The following PRR11 variants were observed in gnomAD, a reference collection of about 807,000 sequenced individuals.
PRR11 encodes the protein proline rich 11, also known as proline-rich protein 11.
In PRR11, 30 loss-of-function variants were observed where a neutral mutation model predicts 45.6. The observed-to-expected ratio is 0.66, with a 90% CI of 0.49 to 0.89. The LOEUF (loss-of-function observed/expected upper bound fraction) is 0.89. Among genes scored for constraint, PRR11 ranks in the 40% least tolerant of loss-of-function variants. PRR11 has a pLI of 0.00. For synonymous variants in PRR11, 128 were observed against 153.5 expected (o/e 0.83, Z 1.23); for missense variants, 373 against 424.8 (o/e 0.88, Z 1.07).
chr17:59,181,834 C>T (rs2046788580), intron 2 of PRR11: 6 of 1,479,446 alleles, frequency 4.1e-6, no homozygotes, highest in South Asian at 2.3e-5. Flanking sequence ...AAACCACTCT[C>T]CATCCTCCCC....
intron 2 of PRR11, among the ~76,000 whole-genome samples, chr17:59,172,262 C>A (rs759187835): frequency 7.4e-4 from 113 of 152,316 alleles, no homozygotes; most frequent in Non-Finnish European, 1.2e-3. Context: ...GGTTGGAATT[C>A]AGCGGTATAA....
chr17:59,180,989 GT>G (rs945488647), intron 2 of PRR11, among the ~76,000 whole-genome samples: 2 of 151,132 alleles, frequency 1.3e-5, no homozygotes, highest in African/African-American at 4.9e-5. Context: ...TTCTTTTTTT[GT>G]TGTTTTTTTG....
At chr17:59,181,838 C>A (rs2046788614) in intron 2 of PRR11, 2 of 1,456,506 alleles carry the variant, frequency 1.4e-6, no homozygotes, top group Non-Finnish European at 1.9e-6. Flanking sequence ...CACTCTCCAT[C>A]CTCCCCAGCC....
Position 59,201,812 on chromosome 17 carries a change from A to C in PRR11, c.*181A>C. On this transcript the variant is annotated 3_prime_UTR_variant, in exon 10 of 10. Transcript: ENST00000262293. ...ATGGTGAAACTCCTTCCCCACTAAAAATACAGAAATTAGCTGGGCATAGTG... is the reference window on the plus strand; with the variant it reads ...ATGGTGAAACTCCTTCCCCACTAAACATACAGAAATTAGCTGGGCATAGTG... 1.7e-6 allele frequency: 1 copy of C among 586,150 alleles called. No individual in the cohort carries two copies. Among genetic ancestry groups the C allele is most frequent in the East Asian group, 3.1e-5 (1 of 31,818 alleles). 36.3% of individuals were successfully genotyped at this position (586,150 alleles called of 1,614,324 possible).
rs749218486 is a variant in PRR11, at chr17:59,169,746, A to C, written c.-5-2A>C. On this transcript the variant is annotated splice_acceptor_variant, in intron 1 of 9. Coordinates refer to ENST00000262293, the MANE Select transcript of PRR11 (RefSeq NM_018304.4). LOFTEE classifies it low-confidence loss of function (5UTR_SPLICE). The stretch of plus-strand genomic sequence containing the variant: ...TAAAAATGTAAAAAAATTTCTCTGC[A>C]GAAATCATGCCCAAGTTCAAACAAC... 1.5e-5 allele frequency: 24 copies of C among 1,579,270 alleles called. No individual in the cohort carries two copies. The highest frequency in any genetic ancestry group is 2.0e-5 in the Non-Finnish European group (23 of 1,170,744).
intron 2 of PRR11, chr17:59,181,792 T>A: frequency 6.5e-7 from 1 of 1,547,402 alleles, no homozygotes; most frequent in Non-Finnish European, 8.8e-7. Flanking sequence ...CTGCAACTGA[T>A]CACCTTAGAC....
At chr17:59,177,221 G>C (rs981653629) in intron 2 of PRR11, 2 of 547,492 alleles carry the variant, frequency 3.7e-6, no homozygotes, top group Admixed American at 1.9e-5. Flanking sequence ...AGGCCGGCGC[G>C]GCTAAAATAT....
chr17:59,157,379 C>A (rs1158653264), intron 1 of PRR11, among the ~76,000 whole-genome samples: 1 of 152,004 alleles, frequency 6.6e-6, no homozygotes, highest in Admixed American at 6.6e-5. Flanking sequence ...TATAGAAGTG[C>A]AAAAGAGATG....
intron 1 of PRR11, among the ~76,000 whole-genome samples, chr17:59,158,487 G>A (rs1329862448): frequency 6.6e-6 from 1 of 152,156 alleles, no homozygotes; most frequent in Non-Finnish European, 1.5e-5. Context: ...AAGTATCTAA[G>A]AGTAAAGTAT....
At chr17:59,172,241 C>T (rs1004070486) in intron 2 of PRR11, among the ~76,000 whole-genome samples, 2 of 152,202 alleles carry the variant, frequency 1.3e-5, no homozygotes, top group Admixed American at 6.5e-5. Flanking sequence ...CTCCAGGTTC[C>T]GCCCCAGGGA....
intron 2 of PRR11, among the ~76,000 whole-genome samples, chr17:59,182,388 TC>T (rs1692030027): frequency 1.7e-5 from 2 of 118,654 alleles, no homozygotes; most frequent in Non-Finnish European, 3.3e-5. Flanking sequence ...CTCTGACCCT[TC>T]TTTTTTTTTT....
rs1376225980 is a variant in PRR11, at chr17:59,204,201, C to G, written c.*2570C>G. 3 of 151,528 alleles carry G rather than the reference C, an allele frequency of 2.0e-5. No homozygotes were observed. Among genetic ancestry groups the G allele is most frequent in the African/African-American group, 7.3e-5 (3 of 41,162 alleles). 9.4% of individuals were successfully genotyped at this position (151,528 alleles called of 1,614,324 possible). A position where few individuals can be genotyped will look rare whatever the true frequency, so the allele number is the denominator to read the frequency against. The stretch of plus-strand genomic sequence containing the variant: ...TTGAGCTCAGGAGTTTGAGACCAGC[C>G]TGGGCAACATGATGAAAACTCCGTC... On this transcript the variant is annotated 3_prime_UTR_variant, in exon 10 of 10. Coordinates refer to ENST00000262293, the MANE Select transcript of PRR11 (RefSeq NM_018304.4).
chr17:59,178,652 G>A (rs1382091541), intron 2 of PRR11: 1 of 509,856 alleles, frequency 2.0e-6, no homozygotes, highest in Non-Finnish European at 3.9e-6. Flanking sequence ...CACAGGTGAG[G>A]TGGATGGGAA....
chr17:59,187,569 CAA>C (rs2046820054), intron 4 of PRR11, among the ~76,000 whole-genome samples: 1 of 145,628 alleles, frequency 6.9e-6, no homozygotes, highest in Non-Finnish European at 1.5e-5. Flanking sequence ...GACTCCATCT[CAA>C]GAGTGAATCA....
In PRR11 at chr17:59,180,785, C is replaced by T. The variant is rs552623006; in HGVS notation, c.129-4269C>T. 2.6e-4 allele frequency among the ~76,000 whole-genome samples: 39 copies of T among 151,734 alleles called. 1 individual carries two copies. In the South Asian group the frequency reaches 7.9e-3, roughly 31 times the overall value. On this transcript the variant is annotated intron_variant, in intron 2 of 9. Coordinates refer to ENST00000262293, the MANE Select transcript of PRR11 (RefSeq NM_018304.4). ...CCTCCCAAAGTGCTGGGATTACAGA[C>T]ATGAGCTACTGCGCCCGGCCTTTGG...
intron 7 of PRR11, among the ~76,000 whole-genome samples, chr17:59,197,005 C>T (rs1316559930): frequency 3.9e-5 from 6 of 151,968 alleles, no homozygotes; most frequent in East Asian, 2.0e-4. Flanking sequence ...CCCGCCACCA[C>T]GCCCAGCTAA....
intron 4 of PRR11, among the ~76,000 whole-genome samples, chr17:59,192,618 C>A (rs1388261119): frequency 1.3e-5 from 2 of 152,184 alleles, no homozygotes; most frequent in Non-Finnish European, 1.5e-5. Flanking sequence ...TATGTCTTCA[C>A]ACAGTCTTCC....
intron 4 of PRR11, among the ~76,000 whole-genome samples, chr17:59,191,499 G>T (rs938482800): frequency 6.6e-6 from 1 of 152,004 alleles, no homozygotes; most frequent in African/African-American, 2.4e-5. Context: ...GATTATAGAC[G>T]TGAGCCACCG....
At chr17:59,194,151 CCAGA>C (rs1428524420) in intron 5 of PRR11, among the ~76,000 whole-genome samples, 1 of 151,976 alleles carries the variant, frequency 6.6e-6, no homozygotes, top group African/African-American at 2.4e-5. Flanking sequence ...ACCAAGGGGA[CCAGA>C]CAATTTGTGA....
Sources: allele counts gnomAD v4.1 joint callset (sites outside exome capture counted in the v4.1 genomes callset), GRCh38; gene constraint gnomAD v4.1.1; transcripts MANE v1.5; gene names NCBI Gene and HGNC (gene_info 2026-07-23, HGNC 2026-07-21).